Variants in SLC24A3 observed in about 807,000 individuals in gnomAD.
The protein encoded by SLC24A3 is solute carrier family 24 member 3, also known as sodium/potassium/calcium exchanger 3.
SLC24A3 carries 28 observed loss-of-function variants against 75.8 expected under a neutral mutation model. The ratio of observed to expected loss-of-function variants is 0.37; its 90% confidence interval spans 0.27 to 0.51. The LOEUF (loss-of-function observed/expected upper bound fraction) is 0.51, where lower values mean the gene tolerates loss of function less well. SLC24A3 is among the 20% of genes least tolerant of loss of function. SLC24A3 has a pLI of 0.94. For missense variants in SLC24A3, 663 were observed against 847.8 expected (o/e 0.78, Z 2.71); for synonymous variants, 372 against 334.1 (o/e 1.11, Z -1.24).
At chr20:19,395,663 G>C (rs1986441589) in intron 2 of SLC24A3, among the ~76,000 whole-genome samples, 1 of 152,234 alleles carries the variant, frequency 6.6e-6, no homozygotes, top group Admixed American at 6.5e-5. Context: ...GAACACTGCG[G>C]GAGCCAGAGG....
At chr20:19,651,396 C>T (rs867326135) in intron 6 of SLC24A3, among the ~76,000 whole-genome samples, 4 of 88,648 alleles carry the variant, frequency 4.5e-5, no homozygotes, top group South Asian at 6.9e-4. Flanking sequence ...TATATATATA[C>T]ACACATATAT....
At chr20:19,654,348 G>A (rs1274742072) in intron 7 of SLC24A3, among the ~76,000 whole-genome samples, 6 of 152,016 alleles carry the variant, frequency 3.9e-5, no homozygotes, top group Non-Finnish European at 7.4e-5. Flanking sequence ...ATTTAGACTT[G>A]GGTTATCTGG....
rs76240422 is a variant in SLC24A3, at chr20:19,377,155, G to A, written c.271+96068G>A. 9.7e-3 allele frequency among the ~76,000 whole-genome samples: 1,474 copies of A among 152,266 alleles called. 19 individuals carry two copies. The highest frequency in any genetic ancestry group is 0.034 in the African/African-American group (1,402 of 41,538). ...CACTCAGCCAAGTTGGGCATTTGGT[G>A]GGTACTTGGTGTGTGGGGGATTAAC... On this transcript the variant is annotated intron_variant, in intron 2 of 16. Coordinates refer to ENST00000328041, the MANE Select transcript of SLC24A3 (RefSeq NM_020689.4).
chr20:19,661,110 T>C, intron 7 of SLC24A3, among the ~76,000 whole-genome samples: 1 of 152,242 alleles, frequency 6.6e-6, no homozygotes, highest in East Asian at 1.9e-4. Flanking sequence ...AGCTATGTGC[T>C]TGATTTTGGT....
At chr20:19,253,163 G>A (rs1256764663) in intron 1 of SLC24A3, among the ~76,000 whole-genome samples, 4 of 152,178 alleles carry the variant, frequency 2.6e-5, no homozygotes, top group African/African-American at 4.8e-5. Flanking sequence ...ATAGGAGTAG[G>A]TAGAGGAGGG....
intron 8 of SLC24A3, among the ~76,000 whole-genome samples, chr20:19,667,408 C>G (rs1249836951): frequency 1.3e-5 from 2 of 152,168 alleles, no homozygotes; most frequent in Admixed American, 1.3e-4. Context: ...ATTTTTCCCC[C>G]CTGTCCTTGG....
At chr20:19,282,755 G>A (rs1049876884) in intron 2 of SLC24A3, among the ~76,000 whole-genome samples, 2 of 152,238 alleles carry the variant, frequency 1.3e-5, no homozygotes, top group African/African-American at 4.8e-5. Context: ...GCCATATGCA[G>A]AACCAGCAAG....
intron 1 of SLC24A3, among the ~76,000 whole-genome samples, chr20:19,270,831 G>A (rs1315350457): frequency 6.6e-6 from 1 of 152,126 alleles, no homozygotes; most frequent in East Asian, 1.9e-4. Flanking sequence ...AGAGATACTA[G>A]AAGAGAGGAG....
chr20:19,702,579 A>C (rs1034449611), intron 15 of SLC24A3, among the ~76,000 whole-genome samples: 1 of 151,744 alleles, frequency 6.6e-6, no homozygotes, highest in East Asian at 1.9e-4. Flanking sequence ...AAGGTGTGTC[A>C]TGTTGTGTTT....
At chr20:19,406,217 T>C (rs1285555576) in intron 2 of SLC24A3, among the ~76,000 whole-genome samples, 10 of 150,518 alleles carry the variant, frequency 6.6e-5, no homozygotes, top group South Asian at 2.1e-4. Flanking sequence ...TGCGTGCGTG[T>C]GTGTGTGTGT....
intron 6 of SLC24A3, among the ~76,000 whole-genome samples, chr20:19,632,520 C>A (rs1270348150): frequency 2.0e-5 from 3 of 152,138 alleles, no homozygotes; most frequent in African/African-American, 7.2e-5. Flanking sequence ...TGTAAAGGAC[C>A]CTTGTGATTA....
intron 6 of SLC24A3, among the ~76,000 whole-genome samples, chr20:19,623,615 AC>A (rs1325300839): frequency 1.3e-5 from 2 of 152,208 alleles, no homozygotes; most frequent in African/African-American, 2.4e-5. Flanking sequence ...CCTCAGTCAC[AC>A]CAGTTATATT....
At chr20:19,567,521 G>A (rs1045939814) in intron 3 of SLC24A3, among the ~76,000 whole-genome samples, 1 of 152,166 alleles carries the variant, frequency 6.6e-6, no homozygotes, top group Non-Finnish European at 1.5e-5. Flanking sequence ...AGGGGTGGGA[G>A]GAAGGTGAGG....
chr20:19,661,973 T>C (rs1197508284), intron 7 of SLC24A3, among the ~76,000 whole-genome samples: 2 of 152,226 alleles, frequency 1.3e-5, no homozygotes, highest in Non-Finnish European at 2.9e-5. Context: ...CCGGTTTCCA[T>C]GGTACCCAGC....
intron 1 of SLC24A3, among the ~76,000 whole-genome samples, chr20:19,278,496 G>T (rs1277098013): frequency 6.6e-6 from 1 of 152,178 alleles, no homozygotes; most frequent in African/African-American, 2.4e-5. Context: ...CAGATTATTT[G>T]TGATAATATG....
chr20:19,343,578 T>C (rs1347457887), intron 2 of SLC24A3, among the ~76,000 whole-genome samples: 1 of 149,116 alleles, frequency 6.7e-6, no homozygotes, highest in Non-Finnish European at 1.5e-5. Flanking sequence ...AAAAAAATGG[T>C]GAGTTGGAAG....
intron 2 of SLC24A3, among the ~76,000 whole-genome samples, chr20:19,402,751 G>C (rs1986574946): frequency 6.6e-6 from 1 of 152,094 alleles, no homozygotes; most frequent in Non-Finnish European, 1.5e-5. Context: ...TTATACATTA[G>C]GAAAGAAGGC....
At chr20:19,315,146 C>T (rs529398076) in intron 2 of SLC24A3, among the ~76,000 whole-genome samples, 3 of 152,292 alleles carry the variant, frequency 2.0e-5, no homozygotes, top group East Asian at 1.9e-4. Flanking sequence ...TGCTCAGATT[C>T]GCCTATCCTT....
chr20:19,321,180 C>T (rs1031030129), intron 2 of SLC24A3, among the ~76,000 whole-genome samples: 8 of 152,144 alleles, frequency 5.3e-5, no homozygotes, highest in Non-Finnish European at 4.4e-5. Flanking sequence ...CTCTTTGGCT[C>T]TAAATACTTC....
Sources: gnomAD v4.1 joint callset for allele counts (sites outside exome capture counted in the v4.1 genomes callset) on GRCh38, gnomAD v4.1.1 for gene constraint, MANE v1.5 for transcripts, NCBI Gene and HGNC (gene_info 2026-07-23, HGNC 2026-07-21) for gene names.